Variants in UST observed in about 807,000 individuals in gnomAD.
UST encodes the protein uronyl 2-sulfotransferase.
UST carries 21 observed loss-of-function variants against 45.6 expected under a neutral mutation model. The ratio of observed to expected loss-of-function variants is 0.46; its 90% CI spans 0.33 to 0.66. The LOEUF is 0.66. UST is among the 30% of genes least tolerant of loss of function. The pLI, the probability that UST is intolerant of heterozygous loss-of-function variation, is 0.02. For missense variants in UST, 463 were observed against 512.4 expected (o/e 0.90, Z 0.93); for synonymous variants, 215 against 200.6 (o/e 1.07, Z -0.61).
intron 1 of UST, among the ~76,000 whole-genome samples, chr6:148,867,395 G>A (rs746506071): frequency 6.6e-6 from 1 of 151,570 alleles, no homozygotes; most frequent in Non-Finnish European, 1.5e-5. Flanking sequence ...CTATAGCACC[G>A]ACTCTTTATA....
chr6:148,846,460 G>C (rs1028454521), intron 1 of UST, among the ~76,000 whole-genome samples: 1 of 151,954 alleles, frequency 6.6e-6, no homozygotes, highest in East Asian at 1.9e-4. Context: ...GTTGGGGGGA[G>C]GGGGGAAGGA....
intron 2 of UST, among the ~76,000 whole-genome samples, chr6:148,917,438 G>A (rs1445137731): frequency 2.6e-5 from 4 of 152,200 alleles, no homozygotes; most frequent in Admixed American, 6.5e-5. Context: ...TAAAGAGACC[G>A]TCTTTACCCC....
chr6:148,859,430 C>T (rs1778265935), intron 1 of UST, among the ~76,000 whole-genome samples: 1 of 152,124 alleles, frequency 6.6e-6, no homozygotes, highest in Middle Eastern at 3.4e-3. Flanking sequence ...AAATTTTCTC[C>T]CATTCTGTAG....
chr6:148,767,618 T>C (rs17718177), intron 1 of UST, among the ~76,000 whole-genome samples: 18,166 of 152,118 alleles, frequency 0.12, 1,160 homozygotes, highest in African/African-American at 0.14. Context: ...GAGAAAATAA[T>C]TGGATGCACA....
chr6:148,810,193 G>T (rs1210941118), intron 1 of UST, among the ~76,000 whole-genome samples: 2 of 152,158 alleles, frequency 1.3e-5, no homozygotes, highest in Admixed American at 6.5e-5. Flanking sequence ...CCATCATGGG[G>T]TTAAAAGGTT....
chr6:148,775,664 A>G (rs1489263045), intron 1 of UST, among the ~76,000 whole-genome samples: 5 of 150,788 alleles, frequency 3.3e-5, no homozygotes, highest in Admixed American at 1.3e-4. Flanking sequence ...GTCTCACTCT[A>G]TCCCCCAGGC....
chr6:148,923,248 G>A (rs1368254251), intron 2 of UST, among the ~76,000 whole-genome samples: 1 of 152,156 alleles, frequency 6.6e-6, no homozygotes, highest in African/African-American at 2.4e-5. Context: ...ATGCTTCTAC[G>A]AATATTTCAA....
At chr6:148,955,745 A>G (rs1450355157) in intron 4 of UST, 1 of 152,244 alleles carries the variant, frequency 6.6e-6, no homozygotes, top group African/African-American at 2.4e-5. Flanking sequence ...TTTCCTTCTG[A>G]GTCACCCCTG....
At chr6:149,022,383 T>G (rs1235808166) in intron 7 of UST, among the ~76,000 whole-genome samples, 1 of 152,124 alleles carries the variant, frequency 6.6e-6, no homozygotes, top group Non-Finnish European at 1.5e-5. Context: ...GTGGATCACC[T>G]GACGTCAGGA....
chr6:148,859,987 G>T (rs144834135), intron 1 of UST, among the ~76,000 whole-genome samples: 170 of 152,084 alleles, frequency 1.1e-3, no homozygotes, highest in Non-Finnish European at 2.0e-3. Context: ...GCTCTTTTTT[G>T]GTTCCACATG....
chr6:149,025,605 G>A (rs550908389), intron 7 of UST, among the ~76,000 whole-genome samples: 1 of 152,184 alleles, frequency 6.6e-6, no homozygotes, highest in African/African-American at 2.4e-5. Flanking sequence ...CAACCTCACT[G>A]GTTGAACATA....
chr6:148,913,646 A>G (rs9390628), intron 2 of UST, among the ~76,000 whole-genome samples: 54,324 of 151,844 alleles, frequency 0.36, 10,135 homozygotes, highest in South Asian at 0.56. Context: ...GCTGATTCCA[A>G]TGCTTTGGCT....
chr6:149,042,489 A>G (rs1018321583), intron 7 of UST, among the ~76,000 whole-genome samples: 24 of 152,150 alleles, frequency 1.6e-4, no homozygotes, highest in African/African-American at 4.8e-4. Context: ...CCTGGTCCAC[A>G]CTGCACCAGG....
At chr6:149,013,652 A>G (rs186580194) in intron 5 of UST, among the ~76,000 whole-genome samples, 5 of 152,296 alleles carry the variant, frequency 3.3e-5, no homozygotes, top group Non-Finnish European at 7.4e-5. Flanking sequence ...ACACCCAGCT[A>G]ATTAATCTTG....
chr6:148,753,471 CT>C (rs1235885497), intron 1 of UST, among the ~76,000 whole-genome samples: 4 of 152,086 alleles, frequency 2.6e-5, no homozygotes, highest in African/African-American at 9.7e-5. Context: ...GTACTTCATT[CT>C]TTTTTATGGC....
intron 1 of UST, among the ~76,000 whole-genome samples, chr6:148,860,723 C>G (rs1293776030): frequency 6.6e-6 from 1 of 152,090 alleles, no homozygotes; most frequent in African/African-American, 2.4e-5. Context: ...TGAATTTTGT[C>G]GAAGGCCTTT....
chr6:148,927,821 G>A (rs1281813623), intron 2 of UST, among the ~76,000 whole-genome samples: 1 of 152,228 alleles, frequency 6.6e-6, no homozygotes, highest in Non-Finnish European at 1.5e-5. Context: ...ATGGGGCCAA[G>A]AAGTTATGCT....
At chr6:148,762,361 G>A (rs1328059235) in intron 1 of UST, among the ~76,000 whole-genome samples, 1 of 152,136 alleles carries the variant, frequency 6.6e-6, no homozygotes, top group Non-Finnish European at 1.5e-5. Flanking sequence ...GCTGAAGAGA[G>A]GCATGTGCTT....
At chr6:148,760,817 G>T (rs1319538133) in intron 1 of UST, among the ~76,000 whole-genome samples, 1 of 152,068 alleles carries the variant, frequency 6.6e-6, no homozygotes, top group African/African-American at 2.4e-5. Context: ...ATGAGAAAAA[G>T]ATAAACCAAC....
Sources: allele counts gnomAD v4.1 joint callset (sites outside exome capture counted in the v4.1 genomes callset), GRCh38; gene constraint gnomAD v4.1.1; transcripts MANE v1.5; gene names NCBI Gene and HGNC (gene_info 2026-07-23, HGNC 2026-07-21).